Variants in ZNF804B observed in about 807,000 individuals in gnomAD.
ZNF804B encodes the protein zinc finger 804B.
In ZNF804B, 80 loss-of-function variants were observed where a neutral mutation model predicts 101.4. The observed-to-expected ratio is 0.79, with a 90% CI of 0.66 to 0.95. The LOEUF is 0.95. Among genes scored for constraint, ZNF804B ranks in the 40% least tolerant of loss-of-function variants. The pLI, the probability that ZNF804B is intolerant of heterozygous loss-of-function variation, is 0.00. For synonymous variants in ZNF804B, 622 were observed against 558.8 expected (o/e 1.11, Z -1.59); for missense variants, 1,673 against 1,561.9 (o/e 1.07, Z -1.20).
chr7:89,202,977 A>G lies in ZNF804B; in HGVS notation c.109-15178A>G, dbSNP rs533125967. 9.9e-5 allele frequency among the ~76,000 whole-genome samples: 15 copies of G among 152,266 alleles called. No homozygotes were observed. The South Asian group carries it at 2.9e-3, about 29-fold the overall frequency. On this transcript the variant is annotated intron_variant, in intron 1 of 3. Coordinates refer to ENST00000333190, the MANE Select transcript of ZNF804B (RefSeq NM_181646.5). ...ATTCTAGACGTATTGTAGCTACAAT[A>G]CGTCTCTTTTTAGACTAGTTCTCTA...
At chr7:89,268,162 T>C (rs558184733) in intron 2 of ZNF804B, among the ~76,000 whole-genome samples, 2 of 152,208 alleles carry the variant, frequency 1.3e-5, no homozygotes, top group South Asian at 4.1e-4. Flanking sequence ...TCTTTCTTCA[T>C]AGTACTTGAT....
chr7:88,956,477 T>G lies in ZNF804B; in HGVS notation c.108+196393T>G, dbSNP rs1793310878. Reference sequence around the variant, plus strand: ...TTGCTTATCACTAAAATTAATAACATAGCAATAATAATGTTTATGGCACTC... The same window carrying G: ...TTGCTTATCACTAAAATTAATAACAGAGCAATAATAATGTTTATGGCACTC... On this transcript the variant is annotated intron_variant, in intron 1 of 3. Transcript: ENST00000333190. Among the ~76,000 whole-genome samples the G allele has an allele frequency of 2.6e-5, 4 of 151,516 alleles. No individual in the cohort carries two copies. In the South Asian group the frequency reaches 8.3e-4, roughly 31 times the overall value.
intron 1 of ZNF804B, among the ~76,000 whole-genome samples, chr7:89,019,854 G>T (rs896407652): frequency 2.0e-5 from 3 of 151,896 alleles, no homozygotes; most frequent in Non-Finnish European, 4.4e-5. Context: ...CTATACAGGT[G>T]AGCTGAGTTT....
At chr7:88,836,322 C>G (rs1358993566) in intron 1 of ZNF804B, among the ~76,000 whole-genome samples, 2 of 151,798 alleles carry the variant, frequency 1.3e-5, no homozygotes, top group Non-Finnish European at 2.9e-5. Flanking sequence ...GGTAACAACA[C>G]AAGAATAATG....
At chr7:88,815,104 T>G (rs1790854815) in intron 1 of ZNF804B, among the ~76,000 whole-genome samples, 1 of 148,604 alleles carries the variant, frequency 6.7e-6, no homozygotes, top group Non-Finnish European at 1.5e-5. Flanking sequence ...GTATTATGTA[T>G]ATTCTCACAT....
chr7:88,994,665 G>A (rs950197512), intron 1 of ZNF804B, among the ~76,000 whole-genome samples: 11 of 151,788 alleles, frequency 7.2e-5, no homozygotes, highest in African/African-American at 1.2e-4. Flanking sequence ...CCATCTTTTC[G>A]GAATAATGAT....
At chr7:89,130,341 G>A (rs1790529803) in intron 1 of ZNF804B, among the ~76,000 whole-genome samples, 1 of 151,906 alleles carries the variant, frequency 6.6e-6, no homozygotes, top group East Asian at 1.9e-4. Flanking sequence ...AGCCAGCTTG[G>A]AAGAAAGCAG....
chr7:89,010,817 G>C (rs901045912), intron 1 of ZNF804B, among the ~76,000 whole-genome samples: 3 of 152,118 alleles, frequency 2.0e-5, no homozygotes, highest in Non-Finnish European at 4.4e-5. Context: ...ATAAAATTTA[G>C]TGTTTCAAAT....
In ZNF804B at chr7:89,336,998, A is replaced by C. The variant is rs2116012796; in HGVS notation, c.4016A>C (p.Lys1339Thr). The C allele has an allele frequency of 6.2e-7, 1 of 1,614,048 alleles. No individual in the cohort carries two copies. The highest frequency in any genetic ancestry group is 1.1e-5 in the South Asian group (1 of 91,080). ...SSQMQQLNEV[K>T]EALNVSTHLN is the part of the protein sequence containing the mutation. Reference sequence around the variant, plus strand: ...CAGATGCAACAGCTAAATGAAGTGAAAGAGGCCTTAAATGTGTCCACACAC... The same window carrying C: ...CAGATGCAACAGCTAAATGAAGTGACAGAGGCCTTAAATGTGTCCACACAC... Residue 1339 changes from lysine (K) to threonine (T), a missense_variant, in exon 4 of 4, where the codon AAA becomes ACA. Coordinates refer to ENST00000333190, the MANE Select transcript of ZNF804B (RefSeq NM_181646.5).
chr7:89,152,594 T>C (rs1790896420), intron 1 of ZNF804B, among the ~76,000 whole-genome samples: 1 of 152,128 alleles, frequency 6.6e-6, no homozygotes, highest in Non-Finnish European at 1.5e-5. Context: ...TTTTAGGTGA[T>C]TCAAAATTTT....
chr7:89,068,269 C>G lies in ZNF804B; in HGVS notation c.109-149886C>G, dbSNP rs78864138. 4.0e-5 allele frequency among the ~76,000 whole-genome samples: 6 copies of G among 151,564 alleles called. No homozygotes were observed. The East Asian group carries it at 1.2e-3, about 29-fold the overall frequency. On this transcript the variant is annotated intron_variant, in intron 1 of 3. Transcript: ENST00000333190. ...GTAGCAATATATTCCCGTTTTGTTA[C>G]TTTCCATAATAAGAGTACATGTCTA...
chr7:89,040,779 T>C (rs1789004822), intron 1 of ZNF804B, among the ~76,000 whole-genome samples: 1 of 152,234 alleles, frequency 6.6e-6, no homozygotes, highest in Non-Finnish European at 1.5e-5. Context: ...ATGTCCTTCA[T>C]CAGTCAGCCT....
chr7:89,190,915 T>C (rs1415194332), intron 1 of ZNF804B, among the ~76,000 whole-genome samples: 2 of 152,138 alleles, frequency 1.3e-5, no homozygotes, highest in African/African-American at 4.8e-5. Context: ...AGTAATGCTA[T>C]TGCACACATA....
At chr7:88,856,922 T>C (rs1399384382) in intron 1 of ZNF804B, among the ~76,000 whole-genome samples, 1 of 152,192 alleles carries the variant, frequency 6.6e-6, no homozygotes, top group African/African-American at 2.4e-5. Flanking sequence ...TTGATTTGTG[T>C]ATGTTGAACC....
At chr7:88,905,026 A>T (rs767407939) in intron 1 of ZNF804B, among the ~76,000 whole-genome samples, 2 of 152,132 alleles carry the variant, frequency 1.3e-5, no homozygotes, top group Non-Finnish European at 2.9e-5. Context: ...GTCTTGTTCC[A>T]GTTCTCAAGG....
chr7:89,041,910 C>G (rs1365115507), intron 1 of ZNF804B, among the ~76,000 whole-genome samples: 9 of 152,162 alleles, frequency 5.9e-5, no homozygotes, highest in Non-Finnish European at 1.2e-4. Context: ...GTAAGGGAAT[C>G]AGCACTGCAA....
chr7:88,994,525 C>A (rs1366105935), intron 1 of ZNF804B, among the ~76,000 whole-genome samples: 3 of 152,022 alleles, frequency 2.0e-5, no homozygotes, highest in African/African-American at 7.2e-5. Context: ...TTAACTTTTT[C>A]ACTGTAGCCT....
chr7:89,226,626 A>T (rs192470397), intron 2 of ZNF804B, among the ~76,000 whole-genome samples: 3 of 152,224 alleles, frequency 2.0e-5, no homozygotes, highest in African/African-American at 7.2e-5. Context: ...AAATGTGGTT[A>T]TGCTATACAT....
chr7:89,321,430 G>T (rs1790818246), intron 2 of ZNF804B, among the ~76,000 whole-genome samples: 1 of 152,112 alleles, frequency 6.6e-6, no homozygotes, highest in Non-Finnish European at 1.5e-5. Context: ...AGTGAGCTGA[G>T]ATTGCACCAC....
Sources: allele counts gnomAD v4.1 joint callset (sites outside exome capture counted in the v4.1 genomes callset), GRCh38; gene constraint gnomAD v4.1.1; transcripts MANE v1.5; gene names NCBI Gene and HGNC (gene_info 2026-07-23, HGNC 2026-07-21).